PTPRE: variants seen among roughly 807,000 people sequenced by gnomAD.
PTPRE encodes the protein protein tyrosine phosphatase receptor type E.
A neutral mutation model predicts 102.0 loss-of-function variants in PTPRE; 51 were observed. That is an observed-to-expected ratio of 0.50 (90% CI 0.40 to 0.63). The LOEUF (loss-of-function observed/expected upper bound fraction) is 0.63, where lower values mean the gene tolerates loss of function less well. PTPRE is among the 30% of genes least tolerant of loss of function. The probability of loss-of-function intolerance (pLI) is 0.00; values close to 1 mark genes in which losing one functional copy is unlikely to be tolerated. For missense variants in PTPRE, 752 were observed against 915.1 expected (o/e 0.82, Z 2.30); for synonymous variants, 345 against 348.2 (o/e 0.99, Z 0.10).
chr10:128,046,012 G>C (rs1400153200), intron 3 of PTPRE, among the ~76,000 whole-genome samples: 1 of 152,198 alleles, frequency 6.6e-6, no homozygotes, highest in Non-Finnish European at 1.5e-5. Context: ...CACGGCTGGG[G>C]CCACCTCCGC....
chr10:128,069,612 T>C, intron 12 of PTPRE, 80 bp from the exon 13 acceptor site: 1 of 1,552,022 alleles, frequency 6.4e-7, no homozygotes, highest in South Asian at 1.2e-5. Context: ...GTGACCTGGG[T>C]GCGCAGGCCC....
chr10:128,037,861 G>A (rs1226604513), intron 2 of PTPRE, among the ~76,000 whole-genome samples: 5 of 151,944 alleles, frequency 3.3e-5, no homozygotes, highest in East Asian at 1.9e-4. Flanking sequence ...GTGCGATCTC[G>A]GCTCACTACA....
At chr10:127,966,469 A>C (rs1273766437) in intron 1 of PTPRE, among the ~76,000 whole-genome samples, 1 of 152,194 alleles carries the variant, frequency 6.6e-6, no homozygotes. Context: ...TGAGCCTGTG[A>C]TATGTGGCAG....
chr10:128,028,388 G>A lies in PTPRE; in HGVS notation c.-7-12487G>A, dbSNP rs75024258. Among the ~76,000 whole-genome samples the A allele has an allele frequency of 7.9e-3, 1,196 of 152,206 alleles. 9 individuals are homozygous for A. Among genetic ancestry groups the A allele is most frequent in the Middle Eastern group, 0.014 (4 of 294 alleles). The stretch of plus-strand genomic sequence containing the variant: ...ACCTGAAGGATATCATTGAGCCCGC[G>A]CCCGCCCCAGGCTGGAATTGCTGGG... On this transcript the variant is annotated intron_variant, in intron 2 of 20. Transcript: ENST00000254667. The surrounding 1 kb of genome is among the most constrained non-coding windows in gnomAD (Gnocchi z 4.5).
intron 1 of PTPRE, among the ~76,000 whole-genome samples, chr10:127,970,724 A>G (rs1246272527): frequency 1.3e-5 from 2 of 151,458 alleles, no homozygotes; most frequent in African/African-American, 4.9e-5. Context: ...AGTTAAGCTG[A>G]CTAATGGACA....
At chr10:127,932,690 A>C (rs138657744) in intron 1 of PTPRE, among the ~76,000 whole-genome samples, 1 of 152,224 alleles carries the variant, frequency 6.6e-6, no homozygotes, top group Non-Finnish European at 1.5e-5. Flanking sequence ...CTCACGCAGC[A>C]GTGACAAAGT....
intron 3 of PTPRE, among the ~76,000 whole-genome samples, chr10:128,041,465 C>T (rs772906200): frequency 3.4e-4 from 51 of 151,858 alleles, no homozygotes; most frequent in Non-Finnish European, 5.4e-4. Context: ...TTGGCCAACA[C>T]GGTGAAACCC....
chr10:127,978,522 T>C (rs985698879), intron 1 of PTPRE, among the ~76,000 whole-genome samples: 3 of 151,742 alleles, frequency 2.0e-5, no homozygotes, highest in Admixed American at 2.0e-4. Context: ...GCCTGGACTA[T>C]AGAGTGGGAC....
intron 2 of PTPRE, among the ~76,000 whole-genome samples, chr10:128,005,651 G>T (rs1486483624): frequency 2.0e-5 from 3 of 152,366 alleles, no homozygotes; most frequent in African/African-American, 4.8e-5. Context: ...CCCCGAGCAG[G>T]TGACAGATGG....
chr10:127,916,046 G>C (rs996232465), intron 1 of PTPRE, among the ~76,000 whole-genome samples: 8 of 151,852 alleles, frequency 5.3e-5, no homozygotes, highest in Middle Eastern at 3.4e-3. Context: ...GGATGCTCCA[G>C]GTCCACAGGA....
intron 2 of PTPRE, among the ~76,000 whole-genome samples, chr10:127,997,544 T>C (rs1216570426): frequency 6.6e-6 from 1 of 152,240 alleles, no homozygotes; most frequent in African/African-American, 2.4e-5. Flanking sequence ...TTCATGTATA[T>C]TTTAAAGCCA....
At chr10:128,009,105 T>G (rs992556775) in intron 2 of PTPRE, among the ~76,000 whole-genome samples, 1 of 152,202 alleles carries the variant, frequency 6.6e-6, no homozygotes, top group Non-Finnish European at 1.5e-5. Flanking sequence ...CCTTTTCTCC[T>G]GGCAGCTGGG....
intron 4 of PTPRE, 47 bp from the exon 5 acceptor site, chr10:128,047,717 C>A (rs777498420): frequency 6.2e-7 from 1 of 1,613,876 alleles, no homozygotes; most frequent in African/African-American, 1.3e-5. Flanking sequence ...TGTTGGCTCT[C>A]GGGGAACCTA....
intron 2 of PTPRE, among the ~76,000 whole-genome samples, chr10:128,032,406 G>C (rs986414343): frequency 2.0e-5 from 3 of 152,216 alleles, no homozygotes; most frequent in Non-Finnish European, 2.9e-5. Context: ...CCAAGCTTCT[G>C]CTGTGCTCTC....
At chr10:128,065,191 T>C (rs978944159) in intron 10 of PTPRE, among the ~76,000 whole-genome samples, 6 of 152,228 alleles carry the variant, frequency 3.9e-5, no homozygotes, top group Admixed American at 3.9e-4. Flanking sequence ...TGCTCTCTAC[T>C]AAATACCAGA....
chr10:127,974,923 T>C (rs762390899), intron 1 of PTPRE, among the ~76,000 whole-genome samples: 1 of 152,098 alleles, frequency 6.6e-6, no homozygotes, highest in Non-Finnish European at 1.5e-5. Flanking sequence ...TGGCAGCAAA[T>C]ATCCTTAATG....
At chr10:128,044,558 A>AAC (rs970399088) in intron 3 of PTPRE, among the ~76,000 whole-genome samples, 2 of 152,010 alleles carry the variant, frequency 1.3e-5, no homozygotes, top group Non-Finnish European at 2.9e-5. Flanking sequence ...TATGTAAGCA[A>AAC]ACACACACAC....
chr10:127,974,818 A>G (rs1851019907), intron 1 of PTPRE, among the ~76,000 whole-genome samples: 1 of 152,250 alleles, frequency 6.6e-6, no homozygotes, highest in Non-Finnish European at 1.5e-5. Context: ...TCACCAAATT[A>G]GCCACAGATG....
intron 2 of PTPRE, among the ~76,000 whole-genome samples, chr10:128,036,541 AG>A (rs1847235498): frequency 1.3e-5 from 2 of 152,116 alleles, no homozygotes; most frequent in African/African-American, 4.8e-5. Context: ...TTATGCCTCC[AG>A]CTAAAAATCA....
Sources: gnomAD v4.1 joint callset for allele counts (sites outside exome capture counted in the v4.1 genomes callset) on GRCh38, gnomAD v4.1.1 for gene constraint, Gnocchi (gnomAD v3.1) non-coding constraint, MANE v1.5 for transcripts, NCBI Gene and HGNC (gene_info 2026-07-23, HGNC 2026-07-21) for gene names.